TLK2: variants seen among roughly 807,000 people sequenced by gnomAD.
TLK2 encodes the protein tousled like kinase 2.
TLK2 carries 6 observed loss-of-function variants against 117.3 expected under a neutral mutation model. That is an observed-to-expected ratio of 0.05 (90% CI 0.03 to 0.10). TLK2 has a LOEUF of 0.10. TLK2 is among the 10% of genes least tolerant of loss of function. TLK2 has a pLI of 1.00. For synonymous variants in TLK2, 257 were observed against 316.7 expected (o/e 0.81, Z 2.00); for missense variants, 299 against 901.2 (o/e 0.33, Z 8.56).
intron 20 of TLK2, 101 bp downstream of exon 20, chr17:62,606,342 G>A: frequency 1.8e-6 from 1 of 562,722 alleles, no homozygotes; most frequent in Non-Finnish European, 2.9e-6. Flanking sequence ...TAATTATTGG[G>A]TTATACAAAA....
At chr17:62,551,994 A>G (rs1175557741) in intron 7 of TLK2, 1 of 362,574 alleles carries the variant, frequency 2.8e-6, no homozygotes, top group Non-Finnish European at 5.3e-6. Context: ...AATACAAGTG[A>G]AAAAGGCAAG....
chr17:62,575,618 G>A (rs2146666518), intron 12 of TLK2, among the ~76,000 whole-genome samples: 1 of 152,200 alleles, frequency 6.6e-6, no homozygotes, highest in South Asian at 2.1e-4. Context: ...AGAGATGGAA[G>A]AAAAAATAAT....
chr17:62,607,055 A>G (rs975415430), intron 20 of TLK2, among the ~76,000 whole-genome samples: 3 of 134,920 alleles, frequency 2.2e-5, no homozygotes, highest in Non-Finnish European at 4.6e-5. Context: ...TAAAACAGGG[A>G]AACTATTCAG....
At chr17:62,557,966 AAGG>A (rs2078981369) in intron 9 of TLK2, among the ~76,000 whole-genome samples, 1 of 152,188 alleles carries the variant, frequency 6.6e-6, no homozygotes. Flanking sequence ...ATAAATAAAA[AAGG>A]AAGACACAGA....
intron 7 of TLK2, among the ~76,000 whole-genome samples, chr17:62,548,727 T>C (rs1211804191): frequency 1.3e-5 from 2 of 151,996 alleles, no homozygotes; most frequent in Non-Finnish European, 2.9e-5. Flanking sequence ...TTTAATCATT[T>C]GATTCTTTTT....
chr17:62,590,710 C>T (rs1289427016), intron 16 of TLK2, among the ~76,000 whole-genome samples: 1 of 152,108 alleles, frequency 6.6e-6, no homozygotes, highest in African/African-American at 2.4e-5. Context: ...AACTCCTGGG[C>T]TCAAGCAATC....
At chr17:62,548,448 AT>A (rs1345161995) in intron 7 of TLK2, among the ~76,000 whole-genome samples, 3 of 151,286 alleles carry the variant, frequency 2.0e-5, no homozygotes, top group Non-Finnish European at 4.4e-5. Context: ...CACCTGGCTA[AT>A]TTTTTATATT....
At chr17:62,588,421 CCAGA>C (rs1226930797) in intron 16 of TLK2, among the ~76,000 whole-genome samples, 6 of 152,302 alleles carry the variant, frequency 3.9e-5, no homozygotes, top group Non-Finnish European at 5.9e-5. Context: ...TATGTCTCTA[CCAGA>C]CAGAATCAGA....
chr17:62,564,870 C>A, intron 10 of TLK2, 131 bp from the exon 11 acceptor site: 1 of 1,156,414 alleles, frequency 8.6e-7, no homozygotes, highest in South Asian at 1.7e-5. Flanking sequence ...GGAGTCATTA[C>A]TGACTGTTCT....
chr17:62,577,151 C>T (rs574955443), intron 13 of TLK2, among the ~76,000 whole-genome samples: 3 of 151,838 alleles, frequency 2.0e-5, no homozygotes, highest in Non-Finnish European at 2.9e-5. Flanking sequence ...TTAGTAGAGA[C>T]GGGGGTCTCA....
chr17:62,522,418 T>G, intron 4 of TLK2, 145 bp downstream of exon 4: 1 of 922,276 alleles, frequency 1.1e-6, no homozygotes, highest in Non-Finnish European at 1.6e-6. Context: ...AGACTGTTTA[T>G]TACAGACTTG....
At chr17:62,549,405 A>AG (rs2078218877) in intron 7 of TLK2, among the ~76,000 whole-genome samples, 5 of 14,386 alleles carry the variant, frequency 3.5e-4, no homozygotes, top group Non-Finnish European at 7.0e-4. Context: ...TCTCAAAAAA[A>AG]AAAAAAAAAA....
chr17:62,590,208 G>T (rs1218513362), intron 16 of TLK2, among the ~76,000 whole-genome samples: 1 of 150,924 alleles, frequency 6.6e-6, no homozygotes, highest in Non-Finnish European at 1.5e-5. Context: ...GAGGTGGGTG[G>T]ATTGCCTGAG....
chr17:62,520,908 C>G, intron 3 of TLK2, 64 bp downstream of exon 3: 1 of 1,579,086 alleles, frequency 6.3e-7, no homozygotes, highest in South Asian at 1.1e-5. Flanking sequence ...TTTGGTGGCT[C>G]AAGGCTGTAA....
intron 2 of TLK2, among the ~76,000 whole-genome samples, chr17:62,503,728 CTT>C (rs34498481): frequency 3.6e-3 from 457 of 126,686 alleles, no homozygotes; most frequent in Admixed American, 5.3e-3. Context: ...CTAGTTATAT[CTT>C]TTTTTTTTTT....
At chr17:62,607,598 T>C (rs1183020468) in intron 20 of TLK2, among the ~76,000 whole-genome samples, 1 of 152,182 alleles carries the variant, frequency 6.6e-6, no homozygotes, top group African/African-American at 2.4e-5. Context: ...CTCTTTCTTT[T>C]TCCCACTCTG....
chr17:62,580,201 A>C lies in TLK2; in HGVS notation c.1368+9A>C, dbSNP rs1331084795. On this transcript the variant is annotated intron_variant, in intron 15 of 21. Transcript: ENST00000346027. ...TCAGTGAAGTTTACAAGGTAAGTATAAGGAACTGGATACAAAGACTGGGGG... is the reference window on the plus strand; with the variant it reads ...TCAGTGAAGTTTACAAGGTAAGTATCAGGAACTGGATACAAAGACTGGGGG... 1.2e-6 allele frequency: 2 copies of C among 1,601,204 alleles called. No individual in the cohort carries two copies. Among genetic ancestry groups the C allele is most frequent in the Non-Finnish European group, 1.7e-6 (2 of 1,171,524 alleles).
chr17:62,499,413 C>T (rs1474312934), intron 2 of TLK2, among the ~76,000 whole-genome samples: 3 of 152,004 alleles, frequency 2.0e-5, no homozygotes, highest in Non-Finnish European at 4.4e-5. Context: ...GATTCGCCCA[C>T]CTCAGCCTCC....
chr17:62,477,402 T>C (rs2071085851), upstream of TLK2: 1 of 152,240 alleles, frequency 6.6e-6, no homozygotes, highest in African/African-American at 2.4e-5. Flanking sequence ...CTTGGTTTAA[T>C]GAAGTTTTTC....
Sources: allele counts gnomAD v4.1 joint callset (sites outside exome capture counted in the v4.1 genomes callset), GRCh38; gene constraint gnomAD v4.1.1; transcripts MANE v1.5; gene names NCBI Gene and HGNC (gene_info 2026-07-23, HGNC 2026-07-21).